Variants in RSBN1 observed in about 807,000 individuals in gnomAD.
The protein encoded by RSBN1 is round spermatid basic protein 1, also known as lysine-specific demethylase 9.
Under a neutral mutation model 74.8 loss-of-function variants are expected in RSBN1, and 23 were observed. That is an observed-to-expected ratio of 0.31 (90% CI 0.22 to 0.44). RSBN1 has a LOEUF of 0.44. Among genes scored for constraint, RSBN1 ranks in the 20% least tolerant of loss-of-function variants. The pLI is 1.00. For synonymous variants in RSBN1, 407 were observed against 379.6 expected, an observed-to-expected ratio of 1.07 and a Z score of -0.84; for missense variants, 808 against 1,020.9, an observed-to-expected ratio of 0.79 and a Z score of 2.84.
At position 113,767,138 on chromosome 1, in the gene RSBN1, T is replaced by C. The variant is rs1287866397; in HGVS notation, c.1896A>G (p.Gln632=). The change falls in exon 6 of 7, where the codon CAA becomes CAG. Residue 632 remains glutamine (Q), a synonymous_variant. Transcript: ENST00000261441. ...FHAEDFTDVV[Q]RLQLDLHEPP... ...GTTCATGAAGATCTAACTGAAGTCT[T>C]TGTACAACATCAGTAAAATCCTCAG... The C allele has an allele frequency of 3.1e-6, 5 of 1,611,828 alleles. No individual in the cohort carries two copies. The highest frequency in any genetic ancestry group is 4.2e-6 in the Non-Finnish European group (5 of 1,178,812).
intron 1 of RSBN1, among the ~76,000 whole-genome samples, chr1:113,807,760 T>C (rs1160841087): frequency 7.0e-6 from 1 of 143,496 alleles, no homozygotes; most frequent in East Asian, 2.0e-4. Flanking sequence ...AAATTCTGTC[T>C]CAAAAAAAAA....
chr1:113,778,966 T>G (rs766088695), intron 2 of RSBN1, among the ~76,000 whole-genome samples: 1 of 152,216 alleles, frequency 6.6e-6, no homozygotes, highest in African/African-American at 2.4e-5. Flanking sequence ...ATGTATGTTC[T>G]TATCTTATGT....
At chr1:113,785,048 G>A (rs572478447) in intron 2 of RSBN1, among the ~76,000 whole-genome samples, 1 of 151,834 alleles carries the variant, frequency 6.6e-6, no homozygotes, top group East Asian at 1.9e-4. Context: ...ATAACACATA[G>A]TTTAAAACAC....
rs569747857 is a variant in RSBN1 at position 113,801,210 on chromosome 1, T to C, written c.704-3174A>G. Among the ~76,000 whole-genome samples, 33 of 152,272 alleles carry C rather than the reference T, an allele frequency of 2.2e-4. 1 individual carries two copies. The South Asian group carries it at 6.4e-3, about 30-fold the overall frequency. On this transcript the variant is annotated intron_variant, in intron 1 of 6. Transcript: ENST00000261441. ...GTTGGCCAGGCTGGTCTCAAACTCCTGACCTCAAGTGATCCACCCACCTCA... is the reference window on the plus strand; with the variant it reads ...GTTGGCCAGGCTGGTCTCAAACTCCCGACCTCAAGTGATCCACCCACCTCA...
intron 6 of RSBN1, 99 bp from the exon 7 acceptor site, chr1:113,766,552 T>C (rs975784989): frequency 1.4e-5 from 10 of 710,298 alleles, no homozygotes; most frequent in African/African-American, 1.1e-4. Context: ...AAATGTGTCA[T>C]AACAATAATC....
intron 6 of RSBN1, 95 bp from the exon 7 acceptor site, chr1:113,766,548 G>T: frequency 1.3e-6 from 1 of 781,094 alleles, no homozygotes; most frequent in Non-Finnish European, 2.0e-6. Flanking sequence ...AACAAAATGT[G>T]TCATAACAAT....
intron 1 of RSBN1, among the ~76,000 whole-genome samples, chr1:113,808,418 A>G (rs1660759906): frequency 6.6e-6 from 1 of 152,214 alleles, no homozygotes. Context: ...AATATTTTCA[A>G]TCCCAGGTTG....
Position 113,762,649 on chromosome 1 carries a change from T to C in RSBN1, c.*3331A>G, listed in dbSNP as rs1366333960. ...AAAATATAATGGGCTAATTTATTAA[T>C]GATTAAGAATATATTCACTAAGCGT... On this transcript the variant is annotated 3_prime_UTR_variant, in exon 7 of 7. Coordinates refer to ENST00000261441, the MANE Select transcript of RSBN1 (RefSeq NM_018364.5). 1 of 152,800 alleles carries C rather than the reference T, an allele frequency of 6.5e-6. No homozygotes were observed. The highest frequency in any genetic ancestry group is 1.9e-4 in the East Asian group (1 of 5,344). The allele number at this position is 152,800 out of a possible 1,614,324, so 9.5% of individuals were successfully genotyped here.
rs1659688149 is a variant in RSBN1 at position 113,762,009 on chromosome 1, A to AT, written c.*3970dup. The stretch of plus-strand genomic sequence containing the variant: ...CACAAATTTAGATTTAAGACTATTC[A>AT]TTAAAAACCTTTTTAAAACACTCGT... On this transcript the variant is annotated 3_prime_UTR_variant, in exon 7 of 7. Transcript: ENST00000261441. 1 of 152,802 alleles carries AT rather than the reference A, an allele frequency of 6.5e-6. No individual in the cohort carries two copies. The highest frequency in any genetic ancestry group is 1.5e-5 in the Non-Finnish European group (1 of 68,030). 9.5% of individuals were successfully genotyped at this position (152,802 alleles called of 1,614,324 possible). A position where few individuals can be genotyped will look rare whatever the true frequency, so the allele number is the denominator to read the frequency against.
chr1:113,791,831 T>C (rs538115047), intron 2 of RSBN1, among the ~76,000 whole-genome samples: 1 of 152,330 alleles, frequency 6.6e-6, no homozygotes, highest in African/African-American at 2.4e-5. Flanking sequence ...TACAGTTCCT[T>C]AAGGGTTTCT....
In RSBN1 at chr1:113,781,697, CCTT is replaced by C. The variant is rs1571299998; in HGVS notation, c.1378-3892_1378-3890del. Among the ~76,000 whole-genome samples, 4 of 152,122 alleles carry C rather than the reference CCTT, an allele frequency of 2.6e-5. No homozygotes were observed. In the East Asian group the frequency reaches 7.7e-4, roughly 29 times the overall value. On this transcript the variant is annotated intron_variant, in intron 2 of 6. Transcript: ENST00000261441. Reference sequence around the variant, plus strand: ...TGTAAGGTTCCCTTCCCCTCCCAAACCTTCTTTTTCTCCTTCTGTATGTACTTC... The same window carrying C: ...TGTAAGGTTCCCTTCCCCTCCCAAACCTTTTTCTCCTTCTGTATGTACTTC...
chr1:113,793,731 G>A (rs996776890), intron 2 of RSBN1, among the ~76,000 whole-genome samples: 1 of 151,470 alleles, frequency 6.6e-6, no homozygotes, highest in Non-Finnish European at 1.5e-5. Context: ...GCCCAGGCTG[G>A]AGTGAGTGAC....
chr1:113,797,938 C>T lies in RSBN1; in HGVS notation c.802G>A (p.Gly268Arg), dbSNP rs1346323510. ...TTATTGTACATTTTAAGGCGTCTTC[C>T]TCGCATGTCTTCTCGGTGTTTCTTT... ...KKKKHREDMRGRRLKMYNKEV... is the reference protein window; with the variant it reads ...KKKKHREDMRRRRLKMYNKEV... The change falls in exon 2 of 7, where the codon GGA becomes AGA. Residue 268 changes from glycine (G) to arginine (R), a missense_variant. By Grantham distance (125) the Gly-to-Arg change is moderately radical. Coordinates refer to ENST00000261441, the MANE Select transcript of RSBN1 (RefSeq NM_018364.5). 2 of 1,613,578 alleles carry T rather than the reference C, an allele frequency of 1.2e-6. No homozygotes were observed. The highest frequency in any genetic ancestry group is 4.5e-5 in the East Asian group (2 of 44,860).
At chr1:113,775,991 G>T (rs1340615279) in intron 4 of RSBN1, among the ~76,000 whole-genome samples, 1 of 152,060 alleles carries the variant, frequency 6.6e-6, no homozygotes, top group Non-Finnish European at 1.5e-5. Flanking sequence ...ACTCACTTCT[G>T]GGCACTTATT....
intron 1 of RSBN1, among the ~76,000 whole-genome samples, chr1:113,799,065 T>G (rs1362260926): frequency 6.6e-6 from 1 of 152,220 alleles, no homozygotes; most frequent in Admixed American, 6.5e-5. Flanking sequence ...AGTTCAGTGA[T>G]GTATACCTTA....
At chr1:113,790,802 GT>G (rs994070192) in intron 2 of RSBN1, among the ~76,000 whole-genome samples, 5 of 152,188 alleles carry the variant, frequency 3.3e-5, no homozygotes, top group African/African-American at 1.2e-4. Flanking sequence ...TTAAAACAGT[GT>G]TTCTTAAACT....
At chr1:113,806,369 G>A (rs1486637199) in intron 1 of RSBN1, among the ~76,000 whole-genome samples, 1 of 151,636 alleles carries the variant, frequency 6.6e-6, no homozygotes. Flanking sequence ...ATTACAGGTT[G>A]TACTGATTTT....
intron 6 of RSBN1, 119 bp from the exon 7 acceptor site, chr1:113,766,572 TTAAG>T: frequency 9.1e-6 from 6 of 658,248 alleles, no homozygotes; most frequent in African/African-American, 9.1e-5. Flanking sequence ...CAAATTAAAA[TTAAG>T]CAACACTAAA....
In RSBN1 at chr1:113,812,089, A is replaced by G. The variant is rs1026454382; in HGVS notation, c.324T>C (p.Pro108=). 6.3e-7 allele frequency: 1 copy of G among 1,590,102 alleles called. No homozygotes were observed. Among genetic ancestry groups the G allele is most frequent in the Non-Finnish European group, 8.5e-7 (1 of 1,169,772 alleles). Reference sequence around the variant, plus strand: ...GACGCCGCCGGTGAGGGGGAGCGAGAGGGGGCTCCTGGCTCGGCCGCCCCC... The same window carrying G: ...GACGCCGCCGGTGAGGGGGAGCGAGGGGGGGCTCCTGGCTCGGCCGCCCCC... ...EKRGRPSQEP[P]LAPPHRRRRS... The change falls in exon 1 of 7, where the codon CCT becomes CCC. Residue 108 remains proline, a synonymous_variant. Transcript: ENST00000261441.
Sources: gnomAD v4.1 joint callset for allele counts (sites outside exome capture counted in the v4.1 genomes callset) on GRCh38, gnomAD v4.1.1 for gene constraint, MANE v1.5 for transcripts, NCBI Gene and HGNC (gene_info 2026-07-23, HGNC 2026-07-21) for gene names.